L3HYPDH: variants seen among roughly 807,000 people sequenced by gnomAD.
L3HYPDH encodes trans-3-hydroxy-L-proline dehydratase.
A neutral mutation model predicts 26.5 loss-of-function variants in L3HYPDH; 32 were observed. That is an observed-to-expected ratio of 1.21 (90% CI 0.91 to 1.62). L3HYPDH has a LOEUF of 1.62. L3HYPDH is among the 40% of genes most tolerant of loss of function. The pLI, the probability that L3HYPDH is intolerant of heterozygous loss-of-function variation, is 0.00. For synonymous variants in L3HYPDH, 215 were observed against 196.6 expected, an observed-to-expected ratio of 1.09 and a Z score of -0.78; for missense variants, 554 against 476.4, an observed-to-expected ratio of 1.16 and a Z score of -1.52.
intron 3 of L3HYPDH, 33 bp downstream of exon 3, chr14:59,476,059 G>A (rs761014280): frequency 1.3e-5 from 21 of 1,613,592 alleles, no homozygotes; most frequent in Non-Finnish European, 1.8e-5. Context: ...CATATTACCT[G>A]GCTTTTGTCC....
chr14:59,490,602 G>A, the L3HYPDH span, among the ~76,000 whole-genome samples: 320 of 152,292 alleles, frequency 2.1e-3, 1 homozygote, highest in African/African-American at 6.9e-3. Flanking sequence ...TGGTCAGATA[G>A]AAATAGAATC....
At chr14:59,496,960 CTTCCG>C in the L3HYPDH span, among the ~76,000 whole-genome samples, 15,523 of 150,980 alleles carry the variant, frequency 0.1, 879 homozygotes, top group Middle Eastern at 0.12. Flanking sequence ...GGGCTAAGCA[CTTCCG>C]AAGGTTGTAG....
chr14:59,486,936 C>T (rs955454654), upstream of L3HYPDH: 2 of 675,880 alleles, frequency 3.0e-6, no homozygotes, highest in Non-Finnish European at 5.0e-6. Flanking sequence ...CGCAGTGGCT[C>T]ATGCCTGTAA....
the L3HYPDH span, among the ~76,000 whole-genome samples, chr14:59,491,012 G>A: frequency 6.6e-6 from 1 of 152,204 alleles, no homozygotes; most frequent in African/African-American, 2.4e-5. Flanking sequence ...AAAAGAGGGA[G>A]TTGTACAACT....
downstream of L3HYPDH, among the ~76,000 whole-genome samples, chr14:59,468,044 G>A (rs1385173030): frequency 6.8e-6 from 1 of 146,014 alleles, no homozygotes; most frequent in Non-Finnish European, 1.5e-5. Flanking sequence ...ATTGTAGGCA[G>A]CTAGGCATAA....
At chr14:59,474,611 C>A in intron 4 of L3HYPDH, 3 of 644,742 alleles carry the variant, frequency 4.7e-6, no homozygotes, top group Middle Eastern at 2.4e-4. Flanking sequence ...TGTTCAGAGA[C>A]CCACCTTCAT....
At chr14:59,476,042 T>C in intron 3 of L3HYPDH, 36 bp from the exon 4 acceptor site, 1 of 1,613,866 alleles carries the variant, frequency 6.2e-7, no homozygotes, top group Non-Finnish European at 8.5e-7. Flanking sequence ...ATGTTCATAG[T>C]GTGTTCCATA....
chr14:59,484,513 C>T (rs1890342360), upstream of L3HYPDH: 25 of 1,531,906 alleles, frequency 1.6e-5, no homozygotes, highest in South Asian at 3.6e-5. Context: ...CCGCCGAGCT[C>T]GCTGTGGCCC....
Position 59,476,206 on chromosome 14 carries a change from A to T in L3HYPDH, c.687T>A (p.Ile229=). Residue 229 remains isoleucine (I), a synonymous_variant, in exon 3 of 5, where the codon ATT becomes ATA. Transcript: ENST00000247194. ...VTEAVKAQFK[I]NHPDSEDLAF... ...CAAGGTCTTCACTATCAGGATGATT[A>T]ATTTTAAACTGCAAGTAACAAAAAA... is the stretch of plus-strand genomic sequence containing the variant. 1 of 1,578,598 alleles carries T rather than the reference A, an allele frequency of 6.3e-7. No homozygotes were observed. The highest frequency in any genetic ancestry group is 8.6e-7 in the Non-Finnish European group (1 of 1,161,574).
At chr14:59,481,020 G>A (rs182807154) in intron 1 of L3HYPDH, among the ~76,000 whole-genome samples, 2 of 152,170 alleles carry the variant, frequency 1.3e-5, no homozygotes, top group African/African-American at 2.4e-5. Context: ...CCGGGACCAG[G>A]ATGAAATTGG....
At chr14:59,501,234 T>C in the L3HYPDH span, 5 of 1,605,292 alleles carry the variant, frequency 3.1e-6, no homozygotes, top group South Asian at 4.4e-5. Context: ...CTTTGGTTAC[T>C]CTGGCTGTGT....
intron 2 of L3HYPDH, chr14:59,478,866 CTT>C (rs1375072665): frequency 4.8e-6 from 1 of 208,564 alleles, no homozygotes; most frequent in Non-Finnish European, 9.4e-6. Context: ...GAAGAATTGT[CTT>C]GGGCCACACA....
chr14:59,495,679 A>G, the L3HYPDH span, among the ~76,000 whole-genome samples: 2 of 152,218 alleles, frequency 1.3e-5, no homozygotes, highest in African/African-American at 2.4e-5. Flanking sequence ...GAACTAGAAA[A>G]TGAATCAAAT....
At chr14:59,504,208 T>C in the L3HYPDH span, 1 of 633,270 alleles carries the variant, frequency 1.6e-6, no homozygotes, top group Non-Finnish European at 2.7e-6. Flanking sequence ...TGGGTTTGTC[T>C]TTGTTTTGTT....
chr14:59,473,667 C>A lies in L3HYPDH; in HGVS notation c.940-577G>T, dbSNP rs116044348. 1.6e-3 allele frequency among the ~76,000 whole-genome samples: 244 copies of A among 152,138 alleles called. 1 individual carries two copies. Among genetic ancestry groups the A allele is most frequent in the African/African-American group, 5.6e-3 (234 of 41,508 alleles). ...TATAATAAACAGTTGGGATTAAGAGCGTTATATTCAGAAAGACATACAGGG... is the reference window on the plus strand; with the variant it reads ...TATAATAAACAGTTGGGATTAAGAGAGTTATATTCAGAAAGACATACAGGG... On this transcript the variant is annotated intron_variant, in intron 4 of 4. Transcript: ENST00000247194.
chr14:59,484,155 CAT>C lies in L3HYPDH; in HGVS notation c.160_161del (p.Met54AlafsTer5). On this transcript the variant is annotated frameshift_variant, in exon 1 of 5. Transcript: ENST00000247194. LOFTEE classifies it high-confidence loss of function. ...GCCGCACGTGGTCAAGGTGCTGGCGCATGTAGCGCCGCTTGGCCAGCAGGGTG... is the reference window on the plus strand; with the variant it reads ...GCCGCACGTGGTCAAGGTGCTGGCGCGTAGCGCCGCTTGGCCAGCAGGGTG... ...GPTLLAKRRYMRQHLDHVRRR... is the reference protein window; with the variant it reads ...GPTLLAKRRYXRQHLDHVRRR... 6.2e-7 allele frequency: 1 copy of C among 1,600,906 alleles called. No homozygotes were observed. Among genetic ancestry groups the C allele is most frequent in the Non-Finnish European group, 8.5e-7 (1 of 1,179,382 alleles).
upstream of L3HYPDH, chr14:59,485,402 A>C: frequency 3.1e-6 from 1 of 322,926 alleles, no homozygotes; most frequent in Non-Finnish European, 5.6e-6. Flanking sequence ...GAAATTTGTT[A>C]AAAGCGAAAA....
intron 4 of L3HYPDH, chr14:59,474,360 G>A (rs1889479435): frequency 3.5e-6 from 2 of 571,650 alleles, no homozygotes; most frequent in East Asian, 3.0e-5. Flanking sequence ...CAGGAGGCAG[G>A]ATGGGTCTCC....
Position 59,484,289 on chromosome 14 carries a change from G to C in L3HYPDH, c.28C>G (p.Leu10Val), listed in dbSNP as rs2139843083. MESALAVPR[L>V]PPHDPGTPVL... ...GGCGTCCCTGGATCATGCGGGGGCA[G>C]CCGGGGCACCGCCAGCGCGCTCTCC... is the stretch of plus-strand genomic sequence containing the variant. Residue 10 changes from leucine (L) to valine (V), a missense_variant, in exon 1 of 5, where the codon CTG becomes GTG. Physicochemically the swap from Leu to Val is conservative, Grantham distance 32. Transcript: ENST00000247194. The C allele has an allele frequency of 4.4e-6, 7 of 1,592,856 alleles. No individual in the cohort carries two copies. The highest frequency in any genetic ancestry group is 2.2e-5 in the East Asian group (1 of 44,786).
Sources: gnomAD v4.1 joint callset for allele counts (sites outside exome capture counted in the v4.1 genomes callset) on GRCh38, gnomAD v4.1.1 for gene constraint, MANE v1.5 for transcripts, NCBI Gene and HGNC (gene_info 2026-07-23, HGNC 2026-07-21) for gene names.